The following SLC25A48 variants were observed in gnomAD, a reference collection of about 807,000 sequenced individuals.
The protein encoded by SLC25A48 is solute carrier family 25 member 48.
A neutral mutation model predicts 32.2 loss-of-function variants in SLC25A48; 29 were observed. The ratio of observed to expected loss-of-function variants is 0.90; its 90% CI spans 0.67 to 1.23. SLC25A48 has a LOEUF of 1.23. SLC25A48 is among the 50% of genes most tolerant of loss of function. The pLI, the probability that SLC25A48 is intolerant of heterozygous loss-of-function variation, is 0.00. For synonymous variants in SLC25A48, 164 were observed against 172.3 expected, an observed-to-expected ratio of 0.95 and a Z score of 0.38; for missense variants, 399 against 422.7, an observed-to-expected ratio of 0.94 and a Z score of 0.49.
chr5:135,850,178 G>A (rs4976498), intron 2 of SLC25A48, among the ~76,000 whole-genome samples: 74,018 of 152,026 alleles, frequency 0.49, 20,494 homozygotes, highest in East Asian at 0.69. Context: ...ACAATCATTC[G>A]GCACAACTAG....
chr5:135,633,606 G>C (rs1752630056), intron 2 of SLC25A48, among the ~76,000 whole-genome samples: 1 of 151,966 alleles, frequency 6.6e-6, no homozygotes, highest in African/African-American at 2.4e-5. Context: ...ATACATTTCT[G>C]TTGTTTAAGC....
At chr5:135,585,375 C>G (rs1751340359) in intron 1 of SLC25A48, among the ~76,000 whole-genome samples, 1 of 152,136 alleles carries the variant, frequency 6.6e-6, no homozygotes. Context: ...ACAGGGAAGC[C>G]CTCCTTGACT....
intron 3 of SLC25A48, among the ~76,000 whole-genome samples, chr5:135,693,440 A>G (rs2126959943): frequency 6.6e-6 from 1 of 152,362 alleles, no homozygotes; most frequent in Admixed American, 6.5e-5. Context: ...CTAGTGACTC[A>G]GTAGCCTGAG....
chr5:135,888,235 C>A lies in SLC25A48; in HGVS notation c.*211C>A. 1.6e-6 allele frequency: 1 copy of A among 621,746 alleles called. No individual in the cohort carries two copies. The highest frequency in any genetic ancestry group is 2.7e-6 in the Non-Finnish European group (1 of 364,072). The allele number at this position is 621,746 out of a possible 1,614,324, so 38.5% of individuals were successfully genotyped here. A position where few individuals can be genotyped will look rare whatever the true frequency, so the allele number is the denominator to read the frequency against. On this transcript the variant is annotated 3_prime_UTR_variant, in exon 8 of 8. Transcript: ENST00000681962. The stretch of plus-strand genomic sequence containing the variant: ...GATTCAAGCCCTCCAAGGTTCTGAT[C>A]CCCAATGCCCACTCTGCTAGGCTGG...
chr5:135,716,315 C>T (rs993211944), intron 3 of SLC25A48, among the ~76,000 whole-genome samples: 6 of 152,220 alleles, frequency 3.9e-5, no homozygotes, highest in African/African-American at 7.2e-5. Context: ...CCACCCGCTC[C>T]ACTGTGCACA....
chr5:135,805,991 T>G (rs1415459865), intron 3 of SLC25A48, among the ~76,000 whole-genome samples: 1 of 151,734 alleles, frequency 6.6e-6, no homozygotes. Flanking sequence ...GAGATATTAC[T>G]CCTAATATCC....
intron 3 of SLC25A48, among the ~76,000 whole-genome samples, chr5:135,785,751 G>A (rs1756826283): frequency 6.7e-6 from 1 of 149,976 alleles, no homozygotes; most frequent in African/African-American, 2.5e-5. Context: ...ATGGGGCGGG[G>A]GTGAAACATC....
At chr5:135,676,386 C>T (rs1753768607) in intron 3 of SLC25A48, among the ~76,000 whole-genome samples, 1 of 151,758 alleles carries the variant, frequency 6.6e-6, no homozygotes, top group Admixed American at 6.6e-5. Context: ...TTATTGGTCA[C>T]TCTAACTATT....
At chr5:135,628,468 A>C (rs751857418) in intron 1 of SLC25A48, among the ~76,000 whole-genome samples, 3 of 152,090 alleles carry the variant, frequency 2.0e-5, no homozygotes, top group Non-Finnish European at 4.4e-5. Flanking sequence ...AGAGGGGAAA[A>C]GGTAAGTTGT....
intron 3 of SLC25A48, among the ~76,000 whole-genome samples, chr5:135,659,776 A>G (rs1580763029): frequency 6.6e-6 from 1 of 152,358 alleles, no homozygotes; most frequent in East Asian, 1.9e-4. Flanking sequence ...GGAAGCAAGC[A>G]CATCTTCACA....
At chr5:135,645,970 A>G (rs114491952) in intron 3 of SLC25A48, among the ~76,000 whole-genome samples, 1,835 of 152,330 alleles carry the variant, frequency 0.012, 49 homozygotes, top group African/African-American at 0.042. Flanking sequence ...ACCAGGCAAT[A>G]AGATGGCCAC....
chr5:135,798,639 T>C (rs1367467384), intron 3 of SLC25A48, among the ~76,000 whole-genome samples: 2 of 151,718 alleles, frequency 1.3e-5, no homozygotes, highest in African/African-American at 2.4e-5. Flanking sequence ...CCTGCTGTGA[T>C]AGATTTCCTA....
intron 1 of SLC25A48, among the ~76,000 whole-genome samples, chr5:135,582,383 A>G (rs1265943590): frequency 2.0e-5 from 3 of 152,118 alleles, no homozygotes; most frequent in Non-Finnish European, 2.9e-5. Context: ...ACTCCTGCAG[A>G]GGTCAGTGTC....
At chr5:135,599,488 A>G (rs941275273) in intron 1 of SLC25A48, among the ~76,000 whole-genome samples, 1 of 152,088 alleles carries the variant, frequency 6.6e-6, no homozygotes, top group South Asian at 2.1e-4. Context: ...GGAGGCTACT[A>G]TGTCGTGTTG....
intron 3 of SLC25A48, among the ~76,000 whole-genome samples, chr5:135,773,043 CG>C (rs1756454960): frequency 6.7e-6 from 1 of 149,878 alleles, no homozygotes; most frequent in African/African-American, 2.5e-5. Flanking sequence ...GTACACTTCC[CG>C]GTAATATTGT....
intron 1 of SLC25A48, among the ~76,000 whole-genome samples, chr5:135,594,419 C>T (rs1216884809): frequency 2.0e-5 from 3 of 152,166 alleles, no homozygotes; most frequent in South Asian, 4.1e-4. Flanking sequence ...AGGACTCTGG[C>T]GCCAGAGAAC....
chr5:135,753,979 C>T (rs966418872), intron 3 of SLC25A48, among the ~76,000 whole-genome samples: 29 of 151,916 alleles, frequency 1.9e-4, no homozygotes, highest in Admixed American at 1.7e-3. Flanking sequence ...TATTTTTATG[C>T]ATGATATCAC....
At chr5:135,798,165 C>CTG (rs1757234445) in intron 3 of SLC25A48, among the ~76,000 whole-genome samples, 1 of 151,814 alleles carries the variant, frequency 6.6e-6, no homozygotes, top group South Asian at 2.1e-4. Context: ...ATCACAGGGG[C>CTG]TGTACACCTC....
At chr5:135,728,021 C>T (rs1450909561) in intron 3 of SLC25A48, among the ~76,000 whole-genome samples, 1 of 152,010 alleles carries the variant, frequency 6.6e-6, no homozygotes, top group Non-Finnish European at 1.5e-5. Context: ...TTTGGGAGGC[C>T]GAGGCAGGTG....
Sources: gnomAD v4.1 joint callset for allele counts (sites outside exome capture counted in the v4.1 genomes callset) on GRCh38, gnomAD v4.1.1 for gene constraint, MANE v1.5 for transcripts, NCBI Gene and HGNC (gene_info 2026-07-23, HGNC 2026-07-21) for gene names.